Variants in UNC5D observed in about 807,000 individuals in gnomAD.
UNC5D encodes the protein unc-5 netrin receptor D.
In UNC5D, 39 loss-of-function variants were observed where a neutral mutation model predicts 105.4. That is an observed-to-expected ratio of 0.37 (90% confidence interval 0.29 to 0.48). The LOEUF (loss-of-function observed/expected upper bound fraction) is 0.48. Among genes scored for constraint, UNC5D ranks in the 20% least tolerant of loss-of-function variants. The pLI is 0.98. For synonymous variants in UNC5D, 452 were observed against 450.4 expected, an observed-to-expected ratio of 1.00 and a Z score of -0.04; for missense variants, 991 against 1,202.4, an observed-to-expected ratio of 0.82 and a Z score of 2.60.
chr8:35,547,189 T>A (rs1399131925), intron 1 of UNC5D, among the ~76,000 whole-genome samples: 1 of 152,204 alleles, frequency 6.6e-6, no homozygotes, highest in Non-Finnish European at 1.5e-5. Context: ...TGTCTTTTAT[T>A]TTCTTCCTTA....
rs1172022538 is a variant in UNC5D at position 35,705,741 on chromosome 8, T to C, written c.1085-188T>C. ...GAAGTAATCATCTTACAATTATTTATTTTTCAAAAGAGAAAATTTTTTTAA... is the reference window on the plus strand; with the variant it reads ...GAAGTAATCATCTTACAATTATTTACTTTTCAAAAGAGAAAATTTTTTTAA... On this transcript the variant is annotated intron_variant, in intron 7 of 16. Coordinates refer to ENST00000404895, the MANE Select transcript of UNC5D (RefSeq NM_080872.4). Among the ~76,000 whole-genome samples, 3 of 152,150 alleles carry C rather than the reference T, an allele frequency of 2.0e-5. No homozygotes were observed. The East Asian group carries it at 5.8e-4, about 29-fold the overall frequency.
intron 1 of UNC5D, among the ~76,000 whole-genome samples, chr8:35,441,366 T>TG (rs1194570613): frequency 6.6e-6 from 1 of 151,986 alleles, no homozygotes; most frequent in Non-Finnish European, 1.5e-5. Flanking sequence ...AATCTCTTAC[T>TG]GTGTCTAATT....
At chr8:35,619,976 C>T (rs779014719) in intron 4 of UNC5D, among the ~76,000 whole-genome samples, 1 of 152,336 alleles carries the variant, frequency 6.6e-6, no homozygotes, top group Middle Eastern at 3.4e-3. Context: ...AGCCTGTAAG[C>T]ATGACTGCCT....
intron 7 of UNC5D, among the ~76,000 whole-genome samples, chr8:35,687,441 CAAAAAAA>C (rs34104800): frequency 1.9e-5 from 1 of 53,088 alleles, no homozygotes; most frequent in South Asian, 6.1e-4. Flanking sequence ...GACTCCGTCT[CAAAAAAA>C]AAAAAAAAAA....
At chr8:35,489,815 T>A (rs921283307) in intron 1 of UNC5D, among the ~76,000 whole-genome samples, 3 of 152,238 alleles carry the variant, frequency 2.0e-5, no homozygotes, top group Non-Finnish European at 2.9e-5. Flanking sequence ...CGTTTAAACA[T>A]TATAGCCTAG....
intron 1 of UNC5D, among the ~76,000 whole-genome samples, chr8:35,302,999 A>G (rs1284393041): frequency 1.3e-5 from 2 of 152,156 alleles, no homozygotes; most frequent in Non-Finnish European, 2.9e-5. Context: ...GCCACAATAA[A>G]AAAGAGAAAA....
intron 3 of UNC5D, among the ~76,000 whole-genome samples, chr8:35,574,750 A>G (rs1817977800): frequency 6.6e-6 from 1 of 152,174 alleles, no homozygotes; most frequent in Non-Finnish European, 1.5e-5. Flanking sequence ...GCCTTCCTGT[A>G]CATTTCCATT....
chr8:35,485,477 G>T (rs1282000313), intron 1 of UNC5D, among the ~76,000 whole-genome samples: 1 of 152,126 alleles, frequency 6.6e-6, no homozygotes, highest in African/African-American at 2.4e-5. Flanking sequence ...AACATTTTTA[G>T]ATTGGTAATT....
intron 7 of UNC5D, among the ~76,000 whole-genome samples, chr8:35,691,118 G>A (rs1826360378): frequency 6.6e-6 from 1 of 152,106 alleles, no homozygotes; most frequent in Admixed American, 6.5e-5. Flanking sequence ...TTGTTGCTTG[G>A]TCAGTTGTGA....
chr8:35,745,212 G>A (rs1829942835), intron 11 of UNC5D, among the ~76,000 whole-genome samples: 1 of 152,166 alleles, frequency 6.6e-6, no homozygotes, highest in South Asian at 2.1e-4. Flanking sequence ...TGGGAATGTT[G>A]CAATTACCAA....
chr8:35,555,947 C>A (rs531681935), intron 2 of UNC5D, among the ~76,000 whole-genome samples: 1 of 146,536 alleles, frequency 6.8e-6, no homozygotes, highest in African/African-American at 2.5e-5. Context: ...CTGAGGTTAG[C>A]CTAATGGTTA....
chr8:35,734,335 C>CAA (rs10657691), intron 11 of UNC5D, among the ~76,000 whole-genome samples: 1,589 of 28,222 alleles, frequency 0.056, 274 homozygotes, highest in African/African-American at 0.12. Context: ...TAATCACTGT[C>CAA]AAAAAAAAAA....
chr8:35,340,679 T>G (rs1217590187), intron 1 of UNC5D, among the ~76,000 whole-genome samples: 1 of 152,150 alleles, frequency 6.6e-6, no homozygotes, highest in Non-Finnish European at 1.5e-5. Flanking sequence ...AAACTGAACA[T>G]GTACCCACTG....
chr8:35,612,465 T>A (rs1174457711), intron 4 of UNC5D, among the ~76,000 whole-genome samples: 1 of 152,118 alleles, frequency 6.6e-6, no homozygotes, highest in Non-Finnish European at 1.5e-5. Flanking sequence ...GATTTCCAGA[T>A]GCCTATCTGG....
At chr8:35,563,464 T>A (rs952825542) in intron 2 of UNC5D, among the ~76,000 whole-genome samples, 1 of 152,058 alleles carries the variant, frequency 6.6e-6, no homozygotes, top group Non-Finnish European at 1.5e-5. Context: ...ATTTGTACAT[T>A]GATTTTGTAT....
chr8:35,375,401 A>C (rs892676238), intron 1 of UNC5D, among the ~76,000 whole-genome samples: 5 of 152,212 alleles, frequency 3.3e-5, no homozygotes, highest in African/African-American at 1.2e-4. Flanking sequence ...AAGAATGTTC[A>C]ACAAATTCTA....
At position 35,632,968 on chromosome 8, in the gene UNC5D, C is replaced by G. The variant is rs16884211; in HGVS notation, c.570+37311C>G. ...GGTTATCACCTCCTTTGGGCTTTAG[C>G]TTTAACAATCAGCTCCCTCCTACAG... On this transcript the variant is annotated intron_variant, in intron 4 of 16. Transcript: ENST00000404895. Among the ~76,000 whole-genome samples the G allele has an allele frequency of 6.3e-3, 962 of 152,302 alleles. 9 individuals are homozygous for G. The highest frequency in any genetic ancestry group is 0.021 in the African/African-American group (862 of 41,576).
intron 1 of UNC5D, among the ~76,000 whole-genome samples, chr8:35,494,274 C>G (rs552690509): frequency 6.6e-6 from 1 of 152,164 alleles, no homozygotes; most frequent in South Asian, 2.1e-4. Context: ...AGAAATGCTC[C>G]TTAGACTTTA....
intron 2 of UNC5D, among the ~76,000 whole-genome samples, chr8:35,564,030 T>A (rs1401121653): frequency 6.6e-6 from 1 of 152,182 alleles, no homozygotes; most frequent in Non-Finnish European, 1.5e-5. Context: ...TCATTGAGGA[T>A]CTGTGTTCAT....
Sources: allele counts gnomAD v4.1 joint callset (sites outside exome capture counted in the v4.1 genomes callset), GRCh38; gene constraint gnomAD v4.1.1; transcripts MANE v1.5; gene names NCBI Gene and HGNC (gene_info 2026-07-23, HGNC 2026-07-21).